Variants in CD5 observed in about 807,000 individuals in gnomAD.
CD5 encodes T-cell surface glycoprotein CD5.
Under a neutral mutation model 60.3 loss-of-function variants are expected in CD5, and 36 were observed. That is an observed-to-expected ratio of 0.60 (90% CI 0.46 to 0.79). The LOEUF (loss-of-function observed/expected upper bound fraction) is 0.79. Among genes scored for constraint, CD5 ranks in the 30% least tolerant of loss-of-function variants. The pLI, the probability that CD5 is intolerant of heterozygous loss-of-function variation, is 0.00. For synonymous variants in CD5, 230 were observed against 257.6 expected (o/e 0.89, Z 1.03); for missense variants, 540 against 630.6 (o/e 0.86, Z 1.54).
chr11:61,122,369 TGGATGATGGATGGATG>T (rs1169926907), intron 6 of CD5, among the ~76,000 whole-genome samples: 2 of 131,918 alleles, frequency 1.5e-5, no homozygotes, highest in Admixed American at 7.5e-5. Flanking sequence ...GGTGGGTGGA[TGGATGATGGATGGATG>T]GATGGATGGA....
chr11:61,127,072 C>A lies in CD5; in HGVS notation c.*787C>A. 6.6e-6 allele frequency: 1 copy of A among 152,392 alleles called. No individual in the cohort carries two copies. The allele number at this position is 152,392 out of a possible 1,614,324, so 9.4% of individuals were successfully genotyped here. A position where few individuals can be genotyped will look rare whatever the true frequency, so the allele number is the denominator to read the frequency against. ...AACCAACTTGGTTTTTTGCTTCACCCAGCAATTAAAAGTCCCAAGCTGAGG... is the reference window on the plus strand; with the variant it reads ...AACCAACTTGGTTTTTTGCTTCACCAAGCAATTAAAAGTCCCAAGCTGAGG... On this transcript the variant is annotated 3_prime_UTR_variant, in exon 11 of 11. Transcript: ENST00000347785.
At chr11:61,115,215 TAG>T (rs746885172) in intron 2 of CD5, 121 bp downstream of exon 2, 4 of 837,608 alleles carry the variant, frequency 4.8e-6, no homozygotes, top group Admixed American at 2.3e-5. Context: ...CCCCACCCTA[TAG>T]AGAGAGTGAA....
Position 61,126,937 on chromosome 11 carries a change from C to G in CD5, c.*652C>G, listed in dbSNP as rs1050917086. On this transcript the variant is annotated 3_prime_UTR_variant, in exon 11 of 11. Transcript: ENST00000347785. ...ACCCCACTCCCTCTGTCTTATGACT[C>G]CCCTCCCCAACCCCCTCATCTAAAG... is the stretch of plus-strand genomic sequence containing the variant. 6.6e-6 allele frequency: 1 copy of G among 152,294 alleles called. No homozygotes were observed. Among genetic ancestry groups the G allele is most frequent in the African/African-American group, 2.4e-5 (1 of 41,466 alleles). 9.4% of individuals were successfully genotyped at this position (152,294 alleles called of 1,614,324 possible). A position where few individuals can be genotyped will look rare whatever the true frequency, so the allele number is the denominator to read the frequency against.
intron 2 of CD5, among the ~76,000 whole-genome samples, chr11:61,115,475 C>T (rs1370828171): frequency 6.6e-6 from 1 of 152,102 alleles, no homozygotes; most frequent in Admixed American, 6.5e-5. Flanking sequence ...AGAGAGAGGC[C>T]GCAGACTGAT....
Position 61,125,129 on chromosome 11 carries a change from C to T in CD5, c.1377C>T (p.Asn459=). Residue 459 remains asparagine (N), a synonymous_variant, in exon 9 of 11, where the codon AAC becomes AAT. Transcript: ENST00000347785. ...VDNEYSQPPR[N]SHLSAYPALE... is the part of the protein sequence containing the mutation. ...ACGAATACAGCCAACCTCCCAGGAA[C>T]TCCCACCTGTCAGCTTATCCAGGTA... 6.2e-7 allele frequency: 1 copy of T among 1,614,134 alleles called. No homozygotes were observed. Among genetic ancestry groups the T allele is most frequent in the Non-Finnish European group, 8.5e-7 (1 of 1,179,988 alleles).
chr11:61,121,788 G>T lies in CD5; in HGVS notation c.983G>T (p.Arg328Leu). ...CAGTGTGGCAGCGTCAACTCCTATC[G>T]AGTGCTGGACGCTGGTGACCCAACA... Reference protein sequence around the residue: ...EQQCGSVNSYRVLDAGDPTSR... With the variant: ...EQQCGSVNSYLVLDAGDPTSR... The change falls in exon 6 of 11, where the codon CGA (arginine) becomes CTA (leucine). Residue 328 changes from arginine (R) to leucine (L), a missense_variant. Transcript: ENST00000347785. The T allele has an allele frequency of 6.2e-7, 1 of 1,611,734 alleles. No individual in the cohort carries two copies. Among genetic ancestry groups the T allele is most frequent in the Non-Finnish European group, 8.5e-7 (1 of 1,178,334 alleles).
chr11:61,100,989 T>A (rs1199236331), upstream of CD5, among the ~76,000 whole-genome samples: 2 of 116,624 alleles, frequency 1.7e-5, no homozygotes, highest in African/African-American at 3.5e-5. Flanking sequence ...CACATCAACA[T>A]GGAGATCACA....
chr11:61,112,326 G>A (rs1378973875), intron 1 of CD5, among the ~76,000 whole-genome samples: 2 of 152,148 alleles, frequency 1.3e-5, no homozygotes, highest in African/African-American at 2.4e-5. Context: ...ATGGCCTCCT[G>A]AGGCTGCCCT....
At chr11:61,125,870 AC>A (rs768147768) in intron 10 of CD5, 29 bp downstream of exon 10, 1 of 1,523,520 alleles carries the variant, frequency 6.6e-7, no homozygotes, top group Non-Finnish European at 9.0e-7. Context: ...TGACCCCAGC[AC>A]CCCAGGGTCC....
intron 7 of CD5, 78 bp from the exon 8 acceptor site, chr11:61,123,806 G>GGC: frequency 1.7e-6 from 1 of 605,000 alleles, no homozygotes; most frequent in Non-Finnish European, 3.0e-6. Context: ...CCCAGGCCCA[G>GGC]CCCCATCCCC....
Position 61,102,547 on chromosome 11 carries a change from G to A in CD5, c.-14G>A. On this transcript the variant is annotated 5_prime_UTR_variant, in exon 1 of 11. Coordinates refer to ENST00000347785, the MANE Select transcript of CD5 (RefSeq NM_014207.4). ...CCCAGCTGCCCAGGCTGAGGCAAGA[G>A]AAGGCCAGAAACCATGCCCATGGGG... 5.1e-6 allele frequency: 8 copies of A among 1,574,596 alleles called. No homozygotes were observed. The highest frequency in any genetic ancestry group is 1.2e-5 in the South Asian group (1 of 85,718).
rs777510121 is a variant in CD5 at position 61,118,559 on chromosome 11, G to C, written c.400+79G>C. The C allele has an allele frequency of 1.0e-5, 15 of 1,439,960 alleles. No homozygotes were observed. Among genetic ancestry groups the C allele is most frequent in the East Asian group, 2.3e-5 (1 of 43,922 alleles). The allele number at this position is 1,439,960 out of a possible 1,614,324, so 89.2% of individuals were successfully genotyped here. A position where few individuals can be genotyped will look rare whatever the true frequency, so the allele number is the denominator to read the frequency against. ...GAGACTGCCCGAGGCCTGTGATCTAGGGTCTGAGCAGGCTGGTGGAAGGGG... is the reference window on the plus strand; with the variant it reads ...GAGACTGCCCGAGGCCTGTGATCTACGGTCTGAGCAGGCTGGTGGAAGGGG... On this transcript the variant is annotated intron_variant, in intron 3 of 10. Transcript: ENST00000347785. The surrounding 1 kb of genome is among the most constrained non-coding windows in gnomAD (Gnocchi z 4.7).
At chr11:61,099,730 C>T (rs1218562940), upstream of CD5, among the ~76,000 whole-genome samples, 1 of 151,008 alleles carries the variant, frequency 6.6e-6, no homozygotes, top group Admixed American at 6.6e-5. Context: ...ATGGAGATCA[C>T]ATTCACACAC....
At chr11:61,096,392 C>A in the CD5 span, among the ~76,000 whole-genome samples, 2 of 152,194 alleles carry the variant, frequency 1.3e-5, no homozygotes, top group African/African-American at 4.8e-5. Context: ...CAACTGGGGG[C>A]AAGGACGTTA....
intron 1 of CD5, 58 bp downstream of exon 1, chr11:61,102,673 G>T: frequency 7.0e-7 from 1 of 1,426,902 alleles, no homozygotes; most frequent in East Asian, 2.5e-5. Flanking sequence ...TGCAAGGAAG[G>T]AGTTCCCAGT....
chr11:61,105,375 C>T (rs572995394), intron 1 of CD5, among the ~76,000 whole-genome samples: 2 of 152,200 alleles, frequency 1.3e-5, no homozygotes, highest in African/African-American at 2.4e-5. Flanking sequence ...ACCAACTGGG[C>T]GACCTTGGAC....
chr11:61,095,167 C>T, the CD5 span, among the ~76,000 whole-genome samples: 2 of 152,078 alleles, frequency 1.3e-5, no homozygotes, highest in Non-Finnish European at 2.9e-5. Context: ...GGAAGGGCTC[C>T]CCACTCCTGA....
upstream of CD5, among the ~76,000 whole-genome samples, chr11:61,099,270 G>T (rs1860623261): frequency 6.7e-6 from 1 of 149,158 alleles, no homozygotes; most frequent in Non-Finnish European, 1.5e-5. Context: ...ATCGAATGGG[G>T]ATTACACACA....
At chr11:61,105,449 A>G (rs1196745638) in intron 1 of CD5, among the ~76,000 whole-genome samples, 1 of 152,238 alleles carries the variant, frequency 6.6e-6, no homozygotes, top group Non-Finnish European at 1.5e-5. Context: ...ATAGAGGCTT[A>G]TAAGGATTCA....
Sources: gnomAD v4.1 joint callset for allele counts (sites outside exome capture counted in the v4.1 genomes callset) on GRCh38, gnomAD v4.1.1 for gene constraint, Gnocchi (gnomAD v3.1) non-coding constraint, MANE v1.5 for transcripts, NCBI Gene and HGNC (gene_info 2026-07-23, HGNC 2026-07-21) for gene names.